The following GBP7 variants were observed in gnomAD, a reference collection of about 807,000 sequenced individuals.
The protein encoded by GBP7 is guanylate-binding protein 7.
Under a neutral mutation model 61.3 loss-of-function variants are expected in GBP7, and 43 were observed. The ratio of observed to expected loss-of-function variants is 0.70; its 90% CI spans 0.55 to 0.91. The LOEUF (loss-of-function observed/expected upper bound fraction) is 0.91. GBP7 is among the 40% of genes least tolerant of loss of function. GBP7 has a pLI of 0.00. For missense variants in GBP7, 717 were observed against 740.5 expected, an observed-to-expected ratio of 0.97 and a Z score of 0.37; for synonymous variants, 267 against 271.0, an observed-to-expected ratio of 0.99 and a Z score of 0.14.
chr1:89,160,988 A>T (rs992536993), intron 3 of GBP7, among the ~76,000 whole-genome samples: 3 of 151,998 alleles, frequency 2.0e-5, no homozygotes, highest in Non-Finnish European at 4.4e-5. Context: ...CTATGTGTCC[A>T]TGTGTTCTCA....
At chr1:89,141,442 T>G in intron 9 of GBP7, 104 bp downstream of exon 9, 18 of 923,738 alleles carry the variant, frequency 1.9e-5, no homozygotes, top group Non-Finnish European at 2.8e-5. Context: ...GTGTTCCCTA[T>G]GAGAAGAAAG....
At chr1:89,142,763 C>T (rs372077990) in intron 8 of GBP7, among the ~76,000 whole-genome samples, 7 of 129,316 alleles carry the variant, frequency 5.4e-5, no homozygotes, top group Admixed American at 8.3e-5. Context: ...CATTTTTTGA[C>T]GGTTATTTTC....
chr1:89,163,530 G>A (rs1366638480), intron 3 of GBP7, among the ~76,000 whole-genome samples: 1 of 151,668 alleles, frequency 6.6e-6, no homozygotes, highest in South Asian at 2.1e-4. Flanking sequence ...TGTCCATTTT[G>A]TGTAGATTGT....
chr1:89,175,002 G>T (rs1317476088), intron 1 of GBP7, among the ~76,000 whole-genome samples: 1 of 152,054 alleles, frequency 6.6e-6, no homozygotes, highest in Non-Finnish European at 1.5e-5. Context: ...TAAATATTTT[G>T]ATAATTTTGT....
chr1:89,172,840 A>T (rs777550733), intron 1 of GBP7, among the ~76,000 whole-genome samples: 2 of 150,802 alleles, frequency 1.3e-5, no homozygotes, highest in African/African-American at 2.4e-5. Context: ...ATTTTCTATT[A>T]TAGTCATTCT....
intron 3 of GBP7, among the ~76,000 whole-genome samples, chr1:89,162,049 T>C (rs1312304031): frequency 4.6e-5 from 7 of 151,780 alleles, no homozygotes; most frequent in Non-Finnish European, 1.5e-5. Context: ...TTGCTTTTTT[T>C]TTTTTTCAGG....
intron 3 of GBP7, among the ~76,000 whole-genome samples, chr1:89,159,210 T>C (rs1421896829): frequency 1.3e-5 from 2 of 152,154 alleles, no homozygotes; most frequent in Non-Finnish European, 2.9e-5. Flanking sequence ...AAAAAATTAA[T>C]TGAAATGGAT....
chr1:89,141,665 G>A lies in GBP7; in HGVS notation c.1366-17C>T. 1 of 1,598,192 alleles carries A rather than the reference G, an allele frequency of 6.3e-7. No homozygotes were observed. Among genetic ancestry groups the A allele is most frequent in the Non-Finnish European group, 8.6e-7 (1 of 1,165,818 alleles). On this transcript the variant is annotated splice_polypyrimidine_tract_variant and intron_variant, in intron 8 of 10. Coordinates refer to ENST00000294671, the MANE Select transcript of GBP7 (RefSeq NM_207398.3). ...CTCGTCTGCCTGAAGAACCAAGAAG[G>A]AGCAAAGACCTGTCAGGCAGCAGAA...
rs760462963 is a variant in GBP7, at chr1:89,133,434, CCTT to C, written c.1483_1485del (p.Lys495del). The C allele has an allele frequency of 5.6e-6, 9 of 1,613,980 alleles. No homozygotes were observed. The highest frequency in any genetic ancestry group is 4.5e-5 in the East Asian group (2 of 44,866). On this transcript the variant is annotated inframe_deletion, in exon 10 of 11. Transcript: ENST00000294671. ...AGCTCCTGTTCCTTTTCAGCTGCCTCCTTCTTAGCCTGCTTAGCTGTTCCACCG... is the reference window on the plus strand; with the variant it reads ...AGCTCCTGTTCCTTTTCAGCTGCCTCCTTAGCCTGCTTAGCTGTTCCACCG...
rs1682099747 is a variant in GBP7 at position 89,147,650 on chromosome 1, C to T, written c.1282G>A (p.Val428Ile). 5 of 1,614,152 alleles carry T rather than the reference C, an allele frequency of 3.1e-6. No homozygotes were observed. The highest frequency in any genetic ancestry group is 4.2e-6 in the Non-Finnish European group (5 of 1,179,998). Residue 428 changes from valine (V) to isoleucine (I), a missense_variant, in exon 8 of 11, where the codon GTT becomes ATT. By Grantham distance (29) the Val-to-Ile change is conservative. This residue lies in a region of GBP7 where 312 missense variants were observed against 310.1 expected (regional missense o/e 1.01). Coordinates refer to ENST00000294671, the MANE Select transcript of GBP7 (RefSeq NM_207398.3). ...TESISRGTFF[V>I]PGGHNIYLEA... ...AAGTAGATATTGTGCCCCCCCGGAA[C>T]AAAGAAAGTTCCTCTTGAAATACTT...
chr1:89,157,890 G>A (rs550553000), intron 3 of GBP7, among the ~76,000 whole-genome samples: 19 of 152,264 alleles, frequency 1.2e-4, no homozygotes, highest in Admixed American at 6.5e-4. Flanking sequence ...CCAAAGCCGG[G>A]CAGAGACACA....
chr1:89,169,376 G>C (rs541644383), intron 2 of GBP7, among the ~76,000 whole-genome samples: 19 of 152,236 alleles, frequency 1.2e-4, no homozygotes, highest in African/African-American at 4.3e-4. Flanking sequence ...TGCTGTACTT[G>C]TATAAATAAT....
Position 89,149,190 on chromosome 1 carries a change from C to G in GBP7, c.1152+102G>C, listed in dbSNP as rs1682134500. ...AGTCACATAAAATAATCCAATCTCCCTTTACTACAAGAAGGAGATGAACCA... is the reference window on the plus strand; with the variant it reads ...AGTCACATAAAATAATCCAATCTCCGTTTACTACAAGAAGGAGATGAACCA... On this transcript the variant is annotated intron_variant, in intron 7 of 10. Transcript: ENST00000294671. The G allele has an allele frequency of 5.0e-6, 5 of 1,009,764 alleles. No homozygotes were observed. In the Admixed American group the frequency reaches 8.6e-5, roughly 17 times the overall value. 62.6% of individuals were successfully genotyped at this position (1,009,764 alleles called of 1,614,324 possible). A position where few individuals can be genotyped will look rare whatever the true frequency, so the allele number is the denominator to read the frequency against.
At position 89,164,778 on chromosome 1, in the gene GBP7, G is replaced by C; in HGVS notation, c.271C>G (p.His91Asp). Residue 91 changes from histidine to aspartate, a missense_variant, in exon 3 of 11, where the codon CAC becomes GAC. His to Asp is a moderately conservative substitution (Grantham distance 81). This residue lies in a region of GBP7 where 387 missense variants were observed against 385.2 expected (regional missense o/e 1.00). Coordinates refer to ENST00000294671, the MANE Select transcript of GBP7 (RefSeq NM_207398.3). The part of the protein sequence containing the change: ...WCVPHPSKPN[H>D]TLILLDTEGL... ...TCCGTGTCCAGAAGGATCAGGGTGT[G>C]GTTTGGCTTGGAGGGGTGGGGCACA... is the stretch of plus-strand genomic sequence containing the variant. 1 of 1,613,976 alleles carries C rather than the reference G, an allele frequency of 6.2e-7. No individual in the cohort carries two copies. The highest frequency in any genetic ancestry group is 8.5e-7 in the Non-Finnish European group (1 of 1,179,902).
chr1:89,137,349 C>CA lies in GBP7; in HGVS notation c.1469-3899dup, dbSNP rs575337237. ...TTTTAAAAACCTGGCAGAGACACAACAAAAAAAGAAAAATGCAGGACAATA... is the reference window on the plus strand; with the variant it reads ...TTTTAAAAACCTGGCAGAGACACAACAAAAAAAAGAAAAATGCAGGACAATA... On this transcript the variant is annotated intron_variant, in intron 9 of 10. Transcript: ENST00000294671. 6.6e-5 allele frequency among the ~76,000 whole-genome samples: 10 copies of CA among 151,926 alleles called. 1 individual carries two copies. The highest frequency in any genetic ancestry group is 3.4e-3 in the Middle Eastern group (1 of 294).
At chr1:89,133,977 C>T (rs1004913542) in intron 9 of GBP7, among the ~76,000 whole-genome samples, 10 of 152,120 alleles carry the variant, frequency 6.6e-5, no homozygotes, top group Non-Finnish European at 1.2e-4. Flanking sequence ...TGGCTTTTGT[C>T]GACTATTGGT....
intron 6 of GBP7, among the ~76,000 whole-genome samples, 183 bp downstream of exon 6, chr1:89,150,147 C>T (rs1027756681): frequency 3.9e-5 from 6 of 152,194 alleles, no homozygotes; most frequent in Non-Finnish European, 5.9e-5. Flanking sequence ...TACTTACTTT[C>T]TGTTTTGTGT....
chr1:89,150,089 A>C (rs1682157632), intron 6 of GBP7, among the ~76,000 whole-genome samples: 1 of 152,214 alleles, frequency 6.6e-6, no homozygotes, highest in Non-Finnish European at 1.5e-5. Context: ...ATTACGCTGA[A>C]TTTTGTATCT....
chr1:89,137,568 A>G (rs545526588), intron 9 of GBP7, among the ~76,000 whole-genome samples: 9 of 152,266 alleles, frequency 5.9e-5, no homozygotes, highest in Non-Finnish European at 1.2e-4. Context: ...GATCTTCTCA[A>G]TGGGCACAGA....
Sources: allele counts gnomAD v4.1 joint callset (sites outside exome capture counted in the v4.1 genomes callset), GRCh38; gene constraint gnomAD v4.1.1; regional missense constraint gnomAD v4.1.1; transcripts MANE v1.5; gene names NCBI Gene and HGNC (gene_info 2026-07-23, HGNC 2026-07-21).